KCNH8: variants seen among roughly 807,000 people sequenced by gnomAD.
The protein encoded by KCNH8 is voltage-gated delayed rectifier potassium channel KCNH8.
A neutral mutation model predicts 103.6 loss-of-function variants in KCNH8; 70 were observed. That is an observed-to-expected ratio of 0.68 (90% CI 0.56 to 0.82). The LOEUF is 0.82. Among genes scored for constraint, KCNH8 ranks in the 40% least tolerant of loss-of-function variants. The pLI, the probability that KCNH8 is intolerant of heterozygous loss-of-function variation, is 0.00. For synonymous variants in KCNH8, 498 were observed against 489.4 expected (o/e 1.02, Z -0.23); for missense variants, 1,217 against 1,329.9 (o/e 0.92, Z 1.32).
chr3:19,533,267 T>TTTA, intron 15 of KCNH8, 128 bp from the exon 16 acceptor site: 1 of 639,674 alleles, frequency 1.6e-6, no homozygotes, highest in Non-Finnish European at 2.7e-6. Flanking sequence ...TGCTAAAATG[T>TTTA]TTAAGAATAA....
intron 11 of KCNH8, among the ~76,000 whole-genome samples, chr3:19,499,709 A>C (rs2068531981): frequency 6.6e-6 from 1 of 152,188 alleles, no homozygotes; most frequent in Non-Finnish European, 1.5e-5. Flanking sequence ...GTGAAGGATA[A>C]ATAAAATCCT....
rs57766729 is a variant in KCNH8, at chr3:19,472,195, CGTGTGTGTGTGTGTGTGTGTGT to C, written c.2040+15244_2040+15265del. Reference sequence around the variant, plus strand: ...CTTATTGGAATTTAATCACTTCATTCGTGTGTGTGTGTGTGTGTGTGTGTGTGTGTGTGTGTGTGTGTGTGTG... The same window carrying C: ...CTTATTGGAATTTAATCACTTCATTCGTGTGTGTGTGTGTGTGTGTGTGTG... On this transcript the variant is annotated intron_variant, in intron 11 of 15. Transcript: ENST00000328405. 3.4e-3 allele frequency among the ~76,000 whole-genome samples: 462 copies of C among 137,484 alleles called. 4 individuals carry two copies. The highest frequency in any genetic ancestry group is 0.011 in the African/African-American group (396 of 37,388). 90.2% of individuals were successfully genotyped at this position (137,484 alleles called of 152,430 possible).
chr3:19,499,663 C>A (rs2068530954), intron 11 of KCNH8, among the ~76,000 whole-genome samples: 1 of 152,122 alleles, frequency 6.6e-6, no homozygotes, highest in South Asian at 2.1e-4. Flanking sequence ...AATTTTCAAC[C>A]CAGAATTTCA....
chr3:19,290,779 A>T (rs983612358), intron 3 of KCNH8, among the ~76,000 whole-genome samples: 1 of 152,048 alleles, frequency 6.6e-6, no homozygotes, highest in African/African-American at 2.4e-5. Flanking sequence ...GTTAGGGAGG[A>T]TTCCCTCTTT....
rs866155028 is a variant in KCNH8 at position 19,503,287 on chromosome 3, G to A, written c.2041-7076G>A. On this transcript the variant is annotated intron_variant, in intron 11 of 15. Coordinates refer to ENST00000328405, the MANE Select transcript of KCNH8 (RefSeq NM_144633.3). ...AAAAAGTCAGGAAACAACAGGTGCT[G>A]GAGAGGATGTGGAGAAATAGGAACA... 2.6e-5 allele frequency among the ~76,000 whole-genome samples: 4 copies of A among 151,876 alleles called. 1 individual carries two copies. Among genetic ancestry groups the A allele is most frequent in the African/African-American group, 7.2e-5 (3 of 41,400 alleles).
chr3:19,348,808 A>C (rs1431558972), intron 5 of KCNH8, among the ~76,000 whole-genome samples: 1 of 152,100 alleles, frequency 6.6e-6, no homozygotes, highest in Non-Finnish European at 1.5e-5. Flanking sequence ...TAGGTGAACA[A>C]AGGAGTGAGA....
intron 1 of KCNH8, among the ~76,000 whole-genome samples, chr3:19,195,403 A>G (rs1207613340): frequency 1.3e-5 from 2 of 151,792 alleles, no homozygotes; most frequent in Admixed American, 6.6e-5. Context: ...CTCGATTCCC[A>G]TACCCCTTTT....
At chr3:19,520,429 C>CT (rs1300251533) in intron 15 of KCNH8, among the ~76,000 whole-genome samples, 1 of 151,810 alleles carries the variant, frequency 6.6e-6, no homozygotes, top group Non-Finnish European at 1.5e-5. Context: ...AGTTTTGACC[C>CT]TTTGGATAGT....
intron 1 of KCNH8, among the ~76,000 whole-genome samples, chr3:19,156,690 T>C (rs2125182712): frequency 6.6e-6 from 1 of 152,298 alleles, no homozygotes; most frequent in East Asian, 1.9e-4. Flanking sequence ...TGTAGTACTC[T>C]CTAGTGATTT....
At chr3:19,283,936 T>C (rs2064792320) in intron 3 of KCNH8, among the ~76,000 whole-genome samples, 1 of 146,362 alleles carries the variant, frequency 6.8e-6, no homozygotes, top group South Asian at 2.2e-4. Context: ...AGTGAGACCC[T>C]GTCTCAAAAA....
At chr3:19,492,074 G>C (rs2068334999) in intron 11 of KCNH8, among the ~76,000 whole-genome samples, 1 of 151,992 alleles carries the variant, frequency 6.6e-6, no homozygotes, top group Non-Finnish European at 1.5e-5. Context: ...TGGATAATCA[G>C]ACCTTTTTCA....
intron 5 of KCNH8, among the ~76,000 whole-genome samples, chr3:19,383,554 A>G (rs1001440621): frequency 1.3e-5 from 2 of 151,958 alleles, no homozygotes; most frequent in African/African-American, 4.8e-5. Context: ...GTATTTTTTA[A>G]TAGAGACGGG....
At chr3:19,497,384 T>C (rs2068465975) in intron 11 of KCNH8, among the ~76,000 whole-genome samples, 1 of 152,192 alleles carries the variant, frequency 6.6e-6, no homozygotes, top group Non-Finnish European at 1.5e-5. Flanking sequence ...GGGTGTTTAG[T>C]GCCATAAACT....
chr3:19,508,345 T>C (rs960879296), intron 11 of KCNH8, among the ~76,000 whole-genome samples: 2 of 152,138 alleles, frequency 1.3e-5, no homozygotes, highest in Non-Finnish European at 2.9e-5. Flanking sequence ...GAAAAATATA[T>C]TGCATGCCAA....
At chr3:19,307,220 G>A (rs777490938) in intron 3 of KCNH8, among the ~76,000 whole-genome samples, 6 of 151,572 alleles carry the variant, frequency 4.0e-5, no homozygotes, top group Non-Finnish European at 7.4e-5. Flanking sequence ...GAAAAAAAAA[G>A]CAATCCAATT....
chr3:19,438,299 G>A lies in KCNH8; in HGVS notation c.1313G>A (p.Gly438Glu). 1 of 1,614,018 alleles carries A rather than the reference G, an allele frequency of 6.2e-7. No homozygotes were observed. Among genetic ancestry groups the A allele is most frequent in the Non-Finnish European group, 8.5e-7 (1 of 1,180,004 alleles). ...AGCAGCCTCACCAGCGTGGGTTTTG[G>A]GAACGTCTCTGCTAATACAGATGCA... ...TLSSLTSVGF[G>E]NVSANTDAEK... The change falls in exon 8 of 16, where the codon GGG (glycine) becomes GAG (glutamate). Residue 438 changes from glycine (G) to glutamate (E), a missense_variant. This residue lies in a region of KCNH8 where 415 missense variants were observed against 577.4 expected (regional missense o/e 0.72). Coordinates refer to ENST00000328405, the MANE Select transcript of KCNH8 (RefSeq NM_144633.3).
chr3:19,216,564 A>C (rs184808209), intron 1 of KCNH8, among the ~76,000 whole-genome samples: 1 of 152,338 alleles, frequency 6.6e-6, no homozygotes, highest in Admixed American at 6.5e-5. Context: ...TGTCACCAGC[A>C]GCTTCAAAAT....
intron 1 of KCNH8, among the ~76,000 whole-genome samples, chr3:19,202,109 T>C (rs2063669205): frequency 6.6e-6 from 1 of 152,120 alleles, no homozygotes; most frequent in Admixed American, 6.6e-5. Flanking sequence ...GGTTTAAAAA[T>C]GTCCCTCTTA....
At chr3:19,193,624 A>T (rs1431926404) in intron 1 of KCNH8, among the ~76,000 whole-genome samples, 1 of 151,780 alleles carries the variant, frequency 6.6e-6, no homozygotes, top group African/African-American at 2.4e-5. Context: ...GTACAGGTAG[A>T]TATACAGTAT....
Sources: allele counts gnomAD v4.1 joint callset (sites outside exome capture counted in the v4.1 genomes callset), GRCh38; gene constraint gnomAD v4.1.1; regional missense constraint gnomAD v4.1.1; transcripts MANE v1.5; gene names NCBI Gene and HGNC (gene_info 2026-07-23, HGNC 2026-07-21).